The following NR2C2 variants were observed in gnomAD, a reference collection of about 807,000 sequenced individuals.
NR2C2 encodes the protein Nuclear hormone receptor TR4.
In NR2C2, 6 loss-of-function variants were observed where a neutral mutation model predicts 62.9. That is an observed-to-expected ratio of 0.10 (90% CI 0.05 to 0.19). The LOEUF (loss-of-function observed/expected upper bound fraction) is 0.19, where lower values mean the gene tolerates loss of function less well. Among genes scored for constraint, NR2C2 ranks in the 10% least tolerant of loss-of-function variants. The pLI is 1.00. For missense variants in NR2C2, 479 were observed against 762.7 expected (o/e 0.63, Z 4.38); for synonymous variants, 272 against 273.8 (o/e 0.99, Z 0.07).
rs571860185 is a variant in NR2C2 at position 15,044,147 on chromosome 3, C to G, written c.*1139C>G. The G allele has an allele frequency of 6.6e-6, 1 of 152,368 alleles. No individual in the cohort carries two copies. Among genetic ancestry groups the G allele is most frequent in the South Asian group, 2.1e-4 (1 of 4,830 alleles). The allele number at this position is 152,368 out of a possible 1,614,324, so 9.4% of individuals were successfully genotyped here. On this transcript the variant is annotated 3_prime_UTR_variant, in exon 14 of 14. Coordinates refer to ENST00000425241, the MANE Select transcript of NR2C2 (RefSeq NM_001291694.2). The stretch of plus-strand genomic sequence containing the variant: ...GGCTGGATTGGGGCTGGGCAGGAGC[C>G]TGCTGCCGCCTGGCGAGAGTGGTTA...
In NR2C2 at chr3:15,010,504, A is replaced by G. The variant is rs566826291; in HGVS notation, c.73-3085A>G. Among the ~76,000 whole-genome samples, 9 of 152,242 alleles carry G rather than the reference A, an allele frequency of 5.9e-5. No homozygotes were observed. The East Asian group carries it at 1.5e-3, about 26-fold the overall frequency. On this transcript the variant is annotated intron_variant, in intron 2 of 13. Transcript: ENST00000425241. The stretch of plus-strand genomic sequence containing the variant: ...GAAGGCACGAGGATCACTTGAGCCT[A>G]GATGTTCAAGACCAGCTTGGGCAAA...
intron 1 of NR2C2, among the ~76,000 whole-genome samples, chr3:14,977,459 C>A (rs1168236317): frequency 6.6e-6 from 1 of 151,874 alleles, no homozygotes; most frequent in African/African-American, 2.4e-5. Flanking sequence ...GGAACTCTTT[C>A]TCCCTCTATT....
intron 4 of NR2C2, among the ~76,000 whole-genome samples, chr3:15,020,135 T>G (rs543101727): frequency 7.9e-5 from 12 of 152,210 alleles, no homozygotes; most frequent in African/African-American, 1.2e-4. Context: ...TCTAGAAGGC[T>G]TTGAGTGGCT....
chr3:14,983,638 G>A (rs56115141), intron 1 of NR2C2, among the ~76,000 whole-genome samples: 6,408 of 152,114 alleles, frequency 0.042, 200 homozygotes, highest in Non-Finnish European at 0.067. Flanking sequence ...CTATAATAAT[G>A]TATATAAAAT....
At chr3:15,003,825 C>A in intron 1 of NR2C2, 51 bp from the exon 2 acceptor site, 1 of 1,249,150 alleles carries the variant, frequency 8.0e-7, no homozygotes, top group Non-Finnish European at 1.2e-6. Context: ...CAGGCCACCT[C>A]TGGGCATCAT....
intron 2 of NR2C2, among the ~76,000 whole-genome samples, chr3:15,008,987 G>A (rs527862680): frequency 5.3e-5 from 8 of 152,294 alleles, no homozygotes; most frequent in African/African-American, 1.4e-4. Context: ...TTGGGAGGCC[G>A]AGGTGGACGG....
chr3:14,971,841 T>G (rs62241835), intron 1 of NR2C2, among the ~76,000 whole-genome samples: 10,793 of 145,366 alleles, frequency 0.074, 510 homozygotes, highest in Middle Eastern at 0.097. Flanking sequence ...AGAGTTTCAC[T>G]CTTGTTGCCC....
intron 5 of NR2C2, among the ~76,000 whole-genome samples, chr3:15,021,934 G>C (rs1232855192): frequency 1.3e-5 from 2 of 152,216 alleles, no homozygotes; most frequent in Non-Finnish European, 2.9e-5. Flanking sequence ...TTTATCTAAT[G>C]ATACTGCTCT....
Position 14,972,419 on chromosome 3 carries a change from C to T in NR2C2, c.-40+24513C>T, listed in dbSNP as rs865937818. Among the ~76,000 whole-genome samples the T allele has an allele frequency of 1.6e-4, 25 of 152,196 alleles. No homozygotes were observed. In the Middle Eastern group the frequency reaches 0.02, roughly 124 times the overall value. The stretch of plus-strand genomic sequence containing the variant: ...CAAACTCCTAACCTCAAGTGATCCA[C>T]CTGGCTGGGGCTCCGAAAGTGCTGG... On this transcript the variant is annotated intron_variant, in intron 1 of 13. Transcript: ENST00000425241.
intron 1 of NR2C2, among the ~76,000 whole-genome samples, chr3:14,965,778 C>T (rs1252752953): frequency 6.6e-6 from 1 of 152,160 alleles, no homozygotes; most frequent in African/African-American, 2.4e-5. Context: ...ATTCTCCTGC[C>T]TCAGCCTCCT....
In NR2C2 at chr3:14,977,961, A is replaced by G. The variant is rs540058836; in HGVS notation, c.-39-25915A>G. 3.1e-4 allele frequency among the ~76,000 whole-genome samples: 46 copies of G among 148,900 alleles called. No homozygotes were observed. The South Asian group carries it at 6.1e-3, about 20-fold the overall frequency. ...GAGACTCTGCCTCAAAAAAAAAAAA[A>G]AAGAAGAAGAAGAAGAAGAACAGAC... On this transcript the variant is annotated intron_variant, in intron 1 of 13. Coordinates refer to ENST00000425241, the MANE Select transcript of NR2C2 (RefSeq NM_001291694.2).
chr3:15,040,429 G>A (rs2042225092), intron 13 of NR2C2, among the ~76,000 whole-genome samples: 1 of 152,238 alleles, frequency 6.6e-6, no homozygotes, highest in Non-Finnish European at 1.5e-5. Flanking sequence ...AAGACACACA[G>A]GCCCACCTTC....
At chr3:14,979,821 G>A (rs551472190) in intron 1 of NR2C2, among the ~76,000 whole-genome samples, 1 of 152,252 alleles carries the variant, frequency 6.6e-6, no homozygotes, top group African/African-American at 2.4e-5. Flanking sequence ...TATAGGCCAT[G>A]GTCAAGAGTT....
chr3:14,989,434 T>A (rs2040602557), intron 1 of NR2C2, among the ~76,000 whole-genome samples: 1 of 152,164 alleles, frequency 6.6e-6, no homozygotes, highest in South Asian at 2.1e-4. Context: ...CTTTTCTATG[T>A]AACACAGTCC....
intron 1 of NR2C2, among the ~76,000 whole-genome samples, chr3:14,950,144 T>G (rs996230266): frequency 6.6e-6 from 1 of 152,214 alleles, no homozygotes; most frequent in African/African-American, 2.4e-5. Context: ...TTGGACTAAT[T>G]AAGTGATATA....
chr3:15,008,108 T>C (rs2041241798), intron 2 of NR2C2, among the ~76,000 whole-genome samples: 1 of 152,196 alleles, frequency 6.6e-6, no homozygotes, highest in Non-Finnish European at 1.5e-5. Context: ...TGGGGAGAAC[T>C]TGAGCCCAGG....
intron 2 of NR2C2, among the ~76,000 whole-genome samples, chr3:15,009,202 A>G (rs1276082443): frequency 6.6e-6 from 1 of 152,262 alleles, no homozygotes; most frequent in Non-Finnish European, 1.5e-5. Flanking sequence ...AGCCTGGGCA[A>G]CAAGAGCGAA....
At chr3:14,994,427 T>C (rs148020387) in intron 1 of NR2C2, among the ~76,000 whole-genome samples, 14 of 149,724 alleles carry the variant, frequency 9.4e-5, no homozygotes, top group Non-Finnish European at 1.9e-4. Flanking sequence ...TCGTTGTTGT[T>C]GTTTATTCAT....
chr3:14,959,419 C>T (rs2039626699), intron 1 of NR2C2: 1 of 152,114 alleles, frequency 6.6e-6, no homozygotes, highest in South Asian at 2.1e-4. Flanking sequence ...GAAACTACTT[C>T]TCTCCTCCTC....
Sources: gnomAD v4.1 joint callset for allele counts (sites outside exome capture counted in the v4.1 genomes callset) on GRCh38, gnomAD v4.1.1 for gene constraint, MANE v1.5 for transcripts, NCBI Gene and HGNC (gene_info 2026-07-23, HGNC 2026-07-21) for gene names.